TMEM178B: variants seen among roughly 807,000 people sequenced by gnomAD.
TMEM178B encodes the protein transmembrane protein 178B.
A neutral mutation model predicts 31.0 loss-of-function variants in TMEM178B; 5 were observed. The ratio of observed to expected loss-of-function variants is 0.16; its 90% CI spans 0.08 to 0.34. TMEM178B has a LOEUF of 0.34. Ranked by LOEUF, TMEM178B falls within the 10% of genes least tolerant of loss-of-function variation. The probability of loss-of-function intolerance (pLI) is 1.00; values close to 1 mark genes in which losing one functional copy is unlikely to be tolerated. For synonymous variants in TMEM178B, 164 were observed against 164.0 expected, an observed-to-expected ratio of 1.00 and a Z score of 0.00; for missense variants, 275 against 400.3, an observed-to-expected ratio of 0.69 and a Z score of 2.67.
intron 1 of TMEM178B, among the ~76,000 whole-genome samples, chr7:141,115,577 G>A (rs1795305665): frequency 6.6e-6 from 1 of 152,130 alleles, no homozygotes; most frequent in African/African-American, 2.4e-5. Context: ...AAACTTAGAG[G>A]CTATTGGATG....
the TMEM178B span, among the ~76,000 whole-genome samples, chr7:141,498,218 A>G: frequency 1.3e-5 from 2 of 152,228 alleles, no homozygotes; most frequent in African/African-American, 4.8e-5. Flanking sequence ...AAGAACATGG[A>G]TATCTTCTAC....
chr7:141,271,045 G>A (rs1798172787), intron 2 of TMEM178B, among the ~76,000 whole-genome samples: 1 of 152,150 alleles, frequency 6.6e-6, no homozygotes, highest in South Asian at 2.1e-4. Flanking sequence ...ATGGGCTCTA[G>A]AAGTCTCCCC....
intron 1 of TMEM178B, among the ~76,000 whole-genome samples, chr7:141,091,766 C>T (rs1291492744): frequency 6.6e-6 from 1 of 152,190 alleles, no homozygotes; most frequent in Admixed American, 6.5e-5. Context: ...CTTGCTCTGT[C>T]TCCCAGGCTG....
chr7:141,239,552 G>A (rs1797583670), intron 2 of TMEM178B, among the ~76,000 whole-genome samples: 1 of 152,204 alleles, frequency 6.6e-6, no homozygotes, highest in African/African-American at 2.4e-5. Flanking sequence ...GATTCCCCGG[G>A]TGGAACTCAG....
intron 2 of TMEM178B, among the ~76,000 whole-genome samples, chr7:141,306,635 T>C (rs1455638332): frequency 2.6e-5 from 4 of 151,158 alleles, no homozygotes; most frequent in Non-Finnish European, 5.9e-5. Flanking sequence ...TTTTTTTTTT[T>C]CTGGTCTCTC....
At chr7:141,261,225 G>A (rs992533951) in intron 2 of TMEM178B, among the ~76,000 whole-genome samples, 23 of 152,248 alleles carry the variant, frequency 1.5e-4, no homozygotes, top group Admixed American at 4.6e-4. Flanking sequence ...TGCCCTGTTC[G>A]TGAGGAAGAG....
chr7:141,402,698 G>A (rs1225705102), intron 2 of TMEM178B, among the ~76,000 whole-genome samples: 1 of 152,238 alleles, frequency 6.6e-6, no homozygotes, highest in African/African-American at 2.4e-5. Context: ...GATAGATGTT[G>A]TAACTTTGGC....
In TMEM178B at chr7:141,132,411, T is replaced by C. The variant is rs905729676; in HGVS notation, c.382+57719T>C. Among the ~76,000 whole-genome samples, 5 of 152,232 alleles carry C rather than the reference T, an allele frequency of 3.3e-5. No individual in the cohort carries two copies. The South Asian group carries it at 8.3e-4, about 25-fold the overall frequency. On this transcript the variant is annotated intron_variant, in intron 1 of 3. Transcript: ENST00000565468. ...TGAAAGCATTTTAAAGCTATGAAAG[T>C]AAACATGTTACACTTTAATCAACAT...
rs563059503 is a variant in TMEM178B, at chr7:141,408,064, T to C, written c.497-29544T>C. On this transcript the variant is annotated intron_variant, in intron 2 of 3. Transcript: ENST00000565468. ...AAGAGCCAGGACTGACTGGGCCTCA[T>C]CCCTGCATTTTCTGACACTGAGATT... Among the ~76,000 whole-genome samples the C allele has an allele frequency of 9.8e-4, 149 of 152,280 alleles. 2 individuals carry two copies. In the South Asian group the frequency reaches 0.03, roughly 31 times the overall value.
chr7:141,093,255 A>T (rs1210461390), intron 1 of TMEM178B, among the ~76,000 whole-genome samples: 1 of 152,152 alleles, frequency 6.6e-6, no homozygotes, highest in East Asian at 1.9e-4. Flanking sequence ...ATGTATTTTG[A>T]ATGGAAAGTT....
chr7:141,092,684 G>C (rs1794899512), intron 1 of TMEM178B, among the ~76,000 whole-genome samples: 1 of 152,096 alleles, frequency 6.6e-6, no homozygotes. Flanking sequence ...TGAGAAAATG[G>C]ACAATAATCA....
At chr7:141,159,894 C>T (rs2129181467) in intron 1 of TMEM178B, among the ~76,000 whole-genome samples, 1 of 151,470 alleles carries the variant, frequency 6.6e-6, no homozygotes, top group African/African-American at 2.4e-5. Context: ...GGCTGTGCAA[C>T]AACATGAATG....
At chr7:141,155,842 A>T (rs1262497670) in intron 1 of TMEM178B, among the ~76,000 whole-genome samples, 6 of 152,182 alleles carry the variant, frequency 3.9e-5, no homozygotes, top group Non-Finnish European at 8.8e-5. Context: ...AGGCGGGTGG[A>T]TCACCTGAGG....
At chr7:141,119,575 CACTCA>C (rs1795375799) in intron 1 of TMEM178B, among the ~76,000 whole-genome samples, 1 of 152,230 alleles carries the variant, frequency 6.6e-6, no homozygotes, top group African/African-American at 2.4e-5. Flanking sequence ...CTCAGGGTGG[CACTCA>C]GCGCATCTTT....
chr7:141,412,407 G>C (rs1801007540), intron 2 of TMEM178B, among the ~76,000 whole-genome samples: 1 of 152,168 alleles, frequency 6.6e-6, no homozygotes, highest in Non-Finnish European at 1.5e-5. Context: ...TGCTCTAAAG[G>C]TGATCTGGGC....
intron 3 of TMEM178B, among the ~76,000 whole-genome samples, chr7:141,440,397 G>A (rs1031071309): frequency 2.0e-5 from 3 of 152,180 alleles, no homozygotes; most frequent in Admixed American, 6.5e-5. Flanking sequence ...GAACTTCTGG[G>A]GATGATCTTA....
chr7:141,094,925 G>T (rs145182403), intron 1 of TMEM178B, among the ~76,000 whole-genome samples: 24 of 152,228 alleles, frequency 1.6e-4, no homozygotes, highest in Middle Eastern at 3.4e-3. Flanking sequence ...CAATTTCTTT[G>T]TTATTATACT....
chr7:141,396,516 G>A lies in TMEM178B; in HGVS notation c.497-41092G>A, dbSNP rs554246962. ...TCAACGGGTCTGGGCCTCTCATACT[G>A]CAGAGTGGAAAACAGAGCCTCAGAA... is the stretch of plus-strand genomic sequence containing the variant. On this transcript the variant is annotated intron_variant, in intron 2 of 3. Coordinates refer to ENST00000565468, the MANE Select transcript of TMEM178B (RefSeq NM_001195278.2). Among the ~76,000 whole-genome samples the A allele has an allele frequency of 3.5e-5, 5 of 143,154 alleles. No individual in the cohort carries two copies. The South Asian group carries it at 1.1e-3, about 31-fold the overall frequency. The allele number at this position is 143,154 out of a possible 152,430, so 93.9% of individuals were successfully genotyped here.
chr7:141,291,972 C>T (rs1038986275), intron 2 of TMEM178B, among the ~76,000 whole-genome samples: 2 of 149,852 alleles, frequency 1.3e-5, no homozygotes, highest in African/African-American at 2.5e-5. Context: ...CTGCTCTTTT[C>T]CCTTTCCTTA....
Sources: allele counts gnomAD v4.1 joint callset (sites outside exome capture counted in the v4.1 genomes callset), GRCh38; gene constraint gnomAD v4.1.1; transcripts MANE v1.5; gene names NCBI Gene and HGNC (gene_info 2026-07-23, HGNC 2026-07-21).